ASIC2: variants seen among roughly 807,000 people sequenced by gnomAD.
ASIC2 encodes acid-sensing ion channel 2.
Under a neutral mutation model 57.3 loss-of-function variants are expected in ASIC2, and 25 were observed. The observed-to-expected ratio is 0.44, with a 90% confidence interval of 0.32 to 0.61. The LOEUF is 0.61. ASIC2 is among the 20% of genes least tolerant of loss of function. ASIC2 has a pLI of 0.06. For missense variants in ASIC2, 641 were observed against 738.1 expected (o/e 0.87, Z 1.52); for synonymous variants, 319 against 307.5 (o/e 1.04, Z -0.39).
At chr17:33,741,926 C>T (rs1385658168) in intron 1 of ASIC2, among the ~76,000 whole-genome samples, 1 of 152,162 alleles carries the variant, frequency 6.6e-6, no homozygotes, top group Non-Finnish European at 1.5e-5. Flanking sequence ...AGCTTAGTGG[C>T]CTAGCAGTGG....
chr17:33,235,252 C>A (rs977968323), intron 1 of ASIC2, among the ~76,000 whole-genome samples: 1 of 152,158 alleles, frequency 6.6e-6, no homozygotes, highest in Non-Finnish European at 1.5e-5. Flanking sequence ...TCTCCCTCCC[C>A]CTTCCCAGGA....
upstream of ASIC2, among the ~76,000 whole-genome samples, chr17:33,297,649 C>G (rs1305426498): frequency 1.3e-5 from 2 of 151,790 alleles, no homozygotes; most frequent in Admixed American, 6.6e-5. Flanking sequence ...ATGGCAAAAC[C>G]CTGTCTCTAC....
intron 1 of ASIC2, among the ~76,000 whole-genome samples, chr17:34,022,652 A>AAAC (rs1254344332): frequency 1.7e-4 from 26 of 151,766 alleles, no homozygotes; most frequent in African/African-American, 5.6e-4. Context: ...AAAAAAAAAA[A>AAAC]CAAAAAAACA....
intron 1 of ASIC2, among the ~76,000 whole-genome samples, chr17:33,183,345 T>C (rs371344297): frequency 1.3e-5 from 2 of 152,284 alleles, no homozygotes; most frequent in South Asian, 2.1e-4. Context: ...GTGCAAATAA[T>C]GAATATGAGG....
At chr17:33,996,353 G>A (rs914732678) in intron 1 of ASIC2, among the ~76,000 whole-genome samples, 4 of 152,062 alleles carry the variant, frequency 2.6e-5, no homozygotes, top group Non-Finnish European at 5.9e-5. Context: ...TTTTTAGTTT[G>A]ATGCAATCTC....
chr17:33,128,198 G>T (rs755086282), intron 1 of ASIC2, among the ~76,000 whole-genome samples: 20 of 152,184 alleles, frequency 1.3e-4, no homozygotes, highest in Non-Finnish European at 2.5e-4. Context: ...AGCACCCTGT[G>T]CTCCCCTCCA....
intron 1 of ASIC2, among the ~76,000 whole-genome samples, chr17:33,746,646 A>C (rs1005073189): frequency 6.6e-6 from 1 of 152,020 alleles, no homozygotes; most frequent in African/African-American, 2.4e-5. Context: ...CTTTAATACC[A>C]CACTTTTAAT....
At chr17:33,234,835 A>G (rs1208659390) in intron 1 of ASIC2, among the ~76,000 whole-genome samples, 4 of 152,198 alleles carry the variant, frequency 2.6e-5, no homozygotes, top group Non-Finnish European at 4.4e-5. Context: ...CCACCTCCCA[A>G]TGCCATCACA....
intron 1 of ASIC2, among the ~76,000 whole-genome samples, chr17:33,476,973 G>A (rs117045964): frequency 0.013 from 1,906 of 152,072 alleles, 21 homozygotes; most frequent in East Asian, 0.029. Context: ...CCAAGAACAA[G>A]CCTATACTAC....
chr17:33,304,599 C>T (rs1278756850), intron 1 of ASIC2, among the ~76,000 whole-genome samples: 1 of 152,162 alleles, frequency 6.6e-6, no homozygotes. Context: ...CTGGCCTTTG[C>T]CCATTCTAGT....
At chr17:34,010,863 C>T (rs191501339) in intron 1 of ASIC2, among the ~76,000 whole-genome samples, 1 of 152,070 alleles carries the variant, frequency 6.6e-6, no homozygotes, top group Admixed American at 6.6e-5. Context: ...TCCTTCAATC[C>T]ACTGCAACCC....
chr17:33,046,657 A>G (rs557525035), intron 3 of ASIC2, among the ~76,000 whole-genome samples: 1 of 152,278 alleles, frequency 6.6e-6, no homozygotes, highest in African/African-American at 2.4e-5. Flanking sequence ...ATTTGTTTTC[A>G]GCTGACCCAG....
intron 1 of ASIC2, among the ~76,000 whole-genome samples, chr17:33,434,361 C>G (rs1911528462): frequency 6.6e-6 from 1 of 152,038 alleles, no homozygotes; most frequent in African/African-American, 2.4e-5. Context: ...AACACAAACA[C>G]AGTGTACCTG....
At chr17:33,713,787 G>A (rs1478037716) in intron 1 of ASIC2, among the ~76,000 whole-genome samples, 1 of 152,230 alleles carries the variant, frequency 6.6e-6, no homozygotes. Flanking sequence ...ATTTTTAATA[G>A]CAAAGTAGTT....
Position 33,025,944 on chromosome 17 carries a change from A to G in ASIC2, c.1177T>C (p.Cys393Arg). 1 of 1,612,788 alleles carries G rather than the reference A, an allele frequency of 6.2e-7. No homozygotes were observed. The highest frequency in any genetic ancestry group is 8.5e-7 in the Non-Finnish European group (1 of 1,179,536). Reference sequence around the variant, plus strand: ...TACTGACCTAGGGCAGGCTCTGCACACTCCTTGTGCTGCTCAGGGGTACAA... The same window carrying G: ...TACTGACCTAGGGCAGGCTCTGCACGCTCCTTGTGCTGCTCAGGGGTACAA... Reference protein sequence around the residue: ...PFCTPEQHKECAEPALGLLAE... With the variant: ...PFCTPEQHKERAEPALGLLAE... Residue 393 changes from cysteine (C) to arginine (R), a missense_variant, in exon 5 of 10, where the codon TGT (cysteine) becomes CGT (arginine). Cys to Arg is a radical substitution (Grantham distance 180). Transcript: ENST00000225823.
intron 1 of ASIC2, among the ~76,000 whole-genome samples, chr17:33,501,291 C>T (rs180799008): frequency 6.6e-6 from 1 of 152,354 alleles, no homozygotes; most frequent in African/African-American, 2.4e-5. Context: ...GTCTTGTTAG[C>T]TCCATGCTGT....
chr17:33,216,146 G>A (rs748274896), intron 1 of ASIC2, among the ~76,000 whole-genome samples: 1 of 152,118 alleles, frequency 6.6e-6, no homozygotes, highest in African/African-American at 2.4e-5. Context: ...GATAATTTCA[G>A]GAGACAAGTG....
chr17:33,554,275 C>T (rs1915838334), intron 1 of ASIC2, among the ~76,000 whole-genome samples: 1 of 152,076 alleles, frequency 6.6e-6, no homozygotes, highest in African/African-American at 2.4e-5. Flanking sequence ...CACAGAGTCT[C>T]TGTCCTGAGT....
intron 1 of ASIC2, among the ~76,000 whole-genome samples, chr17:33,597,047 G>A (rs1391198244): frequency 3.9e-5 from 6 of 152,206 alleles, no homozygotes; most frequent in Non-Finnish European, 8.8e-5. Context: ...CTGGCTAACG[G>A]ATCAGATCAA....
Sources: gnomAD v4.1 joint callset for allele counts (sites outside exome capture counted in the v4.1 genomes callset) on GRCh38, gnomAD v4.1.1 for gene constraint, MANE v1.5 for transcripts, NCBI Gene and HGNC (gene_info 2026-07-23, HGNC 2026-07-21) for gene names.